MYT1: variants seen among roughly 807,000 people sequenced by gnomAD.
The protein encoded by MYT1 is myelin transcription factor I.
In MYT1, 23 loss-of-function variants were observed where a neutral mutation model predicts 123.0. The observed-to-expected ratio is 0.19, with a 90% CI of 0.13 to 0.26. The LOEUF is 0.26. Among genes scored for constraint, MYT1 ranks in the 10% least tolerant of loss-of-function variants. The pLI, the probability that MYT1 is intolerant of heterozygous loss-of-function variation, is 1.00. For missense variants in MYT1, 1,125 were observed against 1,472.5 expected, an observed-to-expected ratio of 0.76 and a Z score of 3.86; for synonymous variants, 518 against 575.3, an observed-to-expected ratio of 0.90 and a Z score of 1.43.
At chr20:64,165,488 C>T (rs1026418045) in intron 1 of MYT1, among the ~76,000 whole-genome samples, 1 of 152,130 alleles carries the variant, frequency 6.6e-6, no homozygotes, top group African/African-American at 2.4e-5. Context: ...AGTTCTGGGG[C>T]CGTGGACTTT....
In MYT1 at chr20:64,242,220, T is replaced by C; in HGVS notation, c.*1772T>C. 6.6e-6 allele frequency: 1 copy of C among 152,542 alleles called. No homozygotes were observed. Among genetic ancestry groups the C allele is most frequent in the East Asian group, 1.9e-4 (1 of 5,188 alleles). 9.4% of individuals were successfully genotyped at this position (152,542 alleles called of 1,614,324 possible). ...AGCACTCCGTGGTGTGTTTGCAGGG[T>C]GATTTCCTAATAAAAGTCCACTCTG... On this transcript the variant is annotated 3_prime_UTR_variant, in exon 23 of 23. Coordinates refer to ENST00000328439, the MANE Select transcript of MYT1 (RefSeq NM_004535.3).
In MYT1 at chr20:64,185,066, C is replaced by T. The variant is rs1272814260; in HGVS notation, c.-98-4997C>T. Among the ~76,000 whole-genome samples the T allele has an allele frequency of 1.3e-5, 2 of 152,020 alleles. No individual in the cohort carries two copies. The highest frequency in any genetic ancestry group is 2.9e-5 in the Non-Finnish European group (2 of 68,004). ...AGGCCAACTGTGGTGGGGAGTGAAG[C>T]GTAGTTATGAAGCAGGAGGAGATGG... On this transcript the variant is annotated intron_variant, in intron 1 of 22. Transcript: ENST00000328439. The surrounding 1 kb of genome is among the most constrained non-coding windows in gnomAD (Gnocchi z 4.5).
chr20:64,225,768 C>T (rs922675827), intron 16 of MYT1, among the ~76,000 whole-genome samples: 1 of 152,130 alleles, frequency 6.6e-6, no homozygotes, highest in African/African-American at 2.4e-5. Flanking sequence ...GACACCTGCT[C>T]CTCTGACTAT....
rs1323176838 is a variant in MYT1, at chr20:64,178,872, G to A, written c.-98-11191G>A. ...GTTATTCGGTGGGATACCCTTCAAC[G>A]TGGGAGCACTAAGCCGTTATTCAGT... On this transcript the variant is annotated intron_variant, in intron 1 of 22. Transcript: ENST00000328439. Among the ~76,000 whole-genome samples the A allele has an allele frequency of 1.3e-4, 16 of 127,088 alleles. 1 individual carries two copies. Among genetic ancestry groups the A allele is most frequent in the African/African-American group, 5.3e-4 (16 of 29,916 alleles). The allele number at this position is 127,088 out of a possible 152,430, so 83.4% of individuals were successfully genotyped here.
In MYT1 at chr20:64,199,879, G is replaced by A. The variant is rs762958767; in HGVS notation, c.56-13G>A. The stretch of plus-strand genomic sequence containing the variant: ...ATTCCCACATGTTTTCCCTGTTTCT[G>A]TCTTTTTCCCAGGACCCCCAGAGAC... On this transcript the variant is annotated splice_polypyrimidine_tract_variant and intron_variant, in intron 3 of 22. Transcript: ENST00000328439. 3.1e-6 allele frequency: 5 copies of A among 1,613,758 alleles called. No homozygotes were observed. Among genetic ancestry groups the A allele is most frequent in the African/African-American group, 2.7e-5 (2 of 74,930 alleles).
At position 64,213,419 on chromosome 20, in the gene MYT1, C is replaced by T; in HGVS notation, c.1518-115C>T. ...CGGCTCTGGGCTTCTCTGGAGTTCACCTGGAGTTCTCACATCTGAATGACC... is the reference window on the plus strand; with the variant it reads ...CGGCTCTGGGCTTCTCTGGAGTTCATCTGGAGTTCTCACATCTGAATGACC... On this transcript the variant is annotated intron_variant, in intron 9 of 22. Coordinates refer to ENST00000328439, the MANE Select transcript of MYT1 (RefSeq NM_004535.3). The surrounding 1 kb of genome is among the most constrained non-coding windows in gnomAD (Gnocchi z 5.6). The T allele has an allele frequency of 1.4e-6, 1 of 719,062 alleles. No homozygotes were observed. Among genetic ancestry groups the T allele is most frequent in the Non-Finnish European group, 2.4e-6 (1 of 416,866 alleles). 44.5% of individuals were successfully genotyped at this position (719,062 alleles called of 1,614,324 possible).
At chr20:64,170,766 C>G (rs944065140) in intron 1 of MYT1, among the ~76,000 whole-genome samples, 17 of 147,920 alleles carry the variant, frequency 1.1e-4, no homozygotes, top group Non-Finnish European at 1.5e-5. Context: ...TGAGCCGTGA[C>G]CCAGCCATGT....
At chr20:64,239,978 C>G in intron 22 of MYT1, 75 bp downstream of exon 22, 5 of 1,565,168 alleles carry the variant, frequency 3.2e-6, no homozygotes, top group Non-Finnish European at 4.3e-6. Flanking sequence ...GGCAGGGCAT[C>G]TCCCACCCCC....
At chr20:64,204,980 C>G in intron 4 of MYT1, 55 bp from the exon 5 acceptor site, 1 of 1,577,410 alleles carries the variant, frequency 6.3e-7, no homozygotes, top group Non-Finnish European at 8.7e-7. Context: ...CTGCGACAGG[C>G]TCTGAGATCT....
intron 19 of MYT1, among the ~76,000 whole-genome samples, chr20:64,233,268 C>CCT (rs1231196664): frequency 0.017 from 1 of 60 alleles, no homozygotes; most frequent in African/African-American, 0.12. Flanking sequence ...TCCTTCCTTC[C>CCT]TCTCCCCTCT....
At chr20:64,176,174 T>TCTC (rs757986324) in intron 1 of MYT1, among the ~76,000 whole-genome samples, 1 of 2,110 alleles carries the variant, frequency 4.7e-4, no homozygotes, top group Admixed American at 4.8e-3. Flanking sequence ...CTCCCTGGCT[T>TCTC]CTCCTGTAGC....
At chr20:64,214,905 C>T (rs932458952) in intron 10 of MYT1, among the ~76,000 whole-genome samples, 2 of 152,228 alleles carry the variant, frequency 1.3e-5, no homozygotes, top group Non-Finnish European at 2.9e-5. Context: ...TGCCCAGGCC[C>T]TTCCCTGGTC....
rs1983020623 is a variant in MYT1, at chr20:64,193,444, G to A, written c.-1+3284G>A. 6.6e-6 allele frequency among the ~76,000 whole-genome samples: 1 copy of A among 152,156 alleles called. No homozygotes were observed. Among genetic ancestry groups the A allele is most frequent in the African/African-American group, 2.4e-5 (1 of 41,420 alleles). ...ATGCTGCTCTTAGATCGTTGAGTGG[G>A]AGCTTGGATCTTCCACAATACTGTC... is the stretch of plus-strand genomic sequence containing the variant. On this transcript the variant is annotated intron_variant, in intron 2 of 22. Transcript: ENST00000328439. The surrounding 1 kb of genome is among the most constrained non-coding windows in gnomAD (Gnocchi z 4.0).
intron 1 of MYT1, among the ~76,000 whole-genome samples, chr20:64,178,566 C>T (rs947521563): frequency 3.7e-3 from 547 of 146,356 alleles, no homozygotes; most frequent in African/African-American, 0.014. Flanking sequence ...AGCCGTTATT[C>T]GGTGGGATAC....
rs115054423 is a variant in MYT1 at position 64,231,836 on chromosome 20, G to A, written c.2676-328G>A. On this transcript the variant is annotated intron_variant, in intron 18 of 22. Coordinates refer to ENST00000328439, the MANE Select transcript of MYT1 (RefSeq NM_004535.3). The surrounding 1 kb of genome is among the most constrained non-coding windows in gnomAD (Gnocchi z 6.4). ...GAGTGACACACAAGTGACTCCAGCA[G>A]CAAGGCTTGGAGGGAACCTGAGAGC... Among the ~76,000 whole-genome samples the A allele has an allele frequency of 0.016, 2,505 of 152,310 alleles. 73 individuals carry two copies. The highest frequency in any genetic ancestry group is 0.056 in the African/African-American group (2,308 of 41,556).
chr20:64,205,604 T>C lies in MYT1; in HGVS notation c.201T>C (p.Ala67=). ...AGAGGAAGCTGGAGGGCGCTGAGGC[T>C]GAGCACCTGGTGTCCAAGAGGAAGT... ...AKKRKLEGAE[A]EHLVSKRKSH... Residue 67 remains alanine, a synonymous_variant, in exon 6 of 23, where the codon GCT becomes GCC. Coordinates refer to ENST00000328439, the MANE Select transcript of MYT1 (RefSeq NM_004535.3). 8 of 1,614,142 alleles carry C rather than the reference T, an allele frequency of 5.0e-6. No individual in the cohort carries two copies. Among genetic ancestry groups the C allele is most frequent in the African/African-American group, 1.3e-5 (1 of 75,046 alleles).
intron 21 of MYT1, among the ~76,000 whole-genome samples, chr20:64,238,236 G>C (rs1984609456): frequency 6.6e-6 from 1 of 152,244 alleles, no homozygotes; most frequent in Admixed American, 6.5e-5. Flanking sequence ...GAGGGACAAA[G>C]GGACAAGGAA....
At position 64,187,134 on chromosome 20, in the gene MYT1, G is replaced by A. The variant is rs189234946; in HGVS notation, c.-98-2929G>A. Reference sequence around the variant, plus strand: ...GAGTTTTCCTGTGGCACGTGGCCCCGGCATCCACGTTTCCGTGGAGAGTTT... The same window carrying A: ...GAGTTTTCCTGTGGCACGTGGCCCCAGCATCCACGTTTCCGTGGAGAGTTT... On this transcript the variant is annotated intron_variant, in intron 1 of 22. Coordinates refer to ENST00000328439, the MANE Select transcript of MYT1 (RefSeq NM_004535.3). Among the ~76,000 whole-genome samples the A allele has an allele frequency of 6.6e-3, 979 of 147,380 alleles. 11 individuals carry two copies. Among genetic ancestry groups the A allele is most frequent in the African/African-American group, 0.023 (919 of 39,264 alleles).
At position 64,212,209 on chromosome 20, in the gene MYT1, T is replaced by TAGTGGGGGCCAG. The variant is rs1983693522; in HGVS notation, c.1517+71_1517+72insAGTGGGGGCCAG. On this transcript the variant is annotated intron_variant, in intron 9 of 22. Transcript: ENST00000328439. This position sits in a 1 kb window ranked among gnomAD's most constrained non-coding sequence, Gnocchi z 6.8. ...GTGGTGGGGGCCAGGGTGGGGGCCG[T>TAGTGGGGGCCAG]GGTGGGGGCCAGGGTGGGGGCCGTG... 2 of 33,686 alleles carry TAGTGGGGGCCAG rather than the reference T, an allele frequency of 5.9e-5. No homozygotes were observed. The highest frequency in any genetic ancestry group is 4.1e-4 in the Admixed American group (1 of 2,420). The allele number at this position is 33,686 out of a possible 1,614,324, so 2.1% of individuals were successfully genotyped here. A position where few individuals can be genotyped will look rare whatever the true frequency, so the allele number is the denominator to read the frequency against.
Sources: allele counts gnomAD v4.1 joint callset (sites outside exome capture counted in the v4.1 genomes callset), GRCh38; gene constraint gnomAD v4.1.1; non-coding constraint Gnocchi (gnomAD v3.1); transcripts MANE v1.5; gene names NCBI Gene and HGNC (gene_info 2026-07-23, HGNC 2026-07-21).